Variants in PDZD2 observed in about 807,000 individuals in gnomAD.
PDZD2 encodes the protein PDZ domain-containing protein 2.
In PDZD2, 90 loss-of-function variants were observed where a neutral mutation model predicts 220.7. The ratio of observed to expected loss-of-function variants is 0.41; its 90% CI spans 0.34 to 0.49. The LOEUF (loss-of-function observed/expected upper bound fraction) is 0.49. Ranked by LOEUF, PDZD2 falls within the 20% of genes least tolerant of loss-of-function variation. The pLI is 0.28. For synonymous variants in PDZD2, 1,375 were observed against 1,450.5 expected (o/e 0.95, Z 1.18); for missense variants, 3,174 against 3,608.5 (o/e 0.88, Z 3.08).
At chr5:32,096,561 C>T (rs1322492070) in intron 21 of PDZD2, among the ~76,000 whole-genome samples, 2 of 152,130 alleles carry the variant, frequency 1.3e-5, no homozygotes, top group Admixed American at 6.6e-5. Context: ...TCAGGTGATC[C>T]GCCCGCCTTG....
intron 2 of PDZD2, among the ~76,000 whole-genome samples, chr5:31,941,299 G>A (rs954317165): frequency 2.6e-5 from 4 of 152,176 alleles, no homozygotes; most frequent in African/African-American, 9.7e-5. Flanking sequence ...GCAACACTTT[G>A]ACTTCAGTTC....
At chr5:31,799,854 A>G in intron 2 of PDZD2, 130 bp downstream of exon 2, 2 of 668,134 alleles carry the variant, frequency 3.0e-6, no homozygotes, top group Non-Finnish European at 2.7e-6. Context: ...TCTCATTTAA[A>G]CCCCCTCATC....
In PDZD2 at chr5:32,072,327, G is replaced by C. The variant is rs2112392922; in HGVS notation, c.2725+10G>C. ...CCTCCCAGCACCTCCAGTAAGCAGG[G>C]GTGCCCCAGAGGGCCTGGGCTCTGC... On this transcript the variant is annotated intron_variant, in intron 17 of 24. Coordinates refer to ENST00000438447, the MANE Select transcript of PDZD2 (RefSeq NM_178140.4). 6.2e-7 allele frequency: 1 copy of C among 1,606,526 alleles called. No homozygotes were observed. The highest frequency in any genetic ancestry group is 2.2e-5 in the East Asian group (1 of 44,846).
Position 32,083,244 on chromosome 5 carries a change from C to CT in PDZD2, c.3683-3882dup, listed in dbSNP as rs1561536642. The stretch of plus-strand genomic sequence containing the variant: ...GTGGTAGTCACCAGTACCTAACAAC[C>CT]TTTTTAAACCTCATACATCCACACG... On this transcript the variant is annotated intron_variant, in intron 19 of 24. Coordinates refer to ENST00000438447, the MANE Select transcript of PDZD2 (RefSeq NM_178140.4). The surrounding 1 kb of genome is among the most constrained non-coding windows in gnomAD (Gnocchi z 4.1). Among the ~76,000 whole-genome samples, 1 of 151,542 alleles carries CT rather than the reference C, an allele frequency of 6.6e-6. No individual in the cohort carries two copies. Among genetic ancestry groups the CT allele is most frequent in the South Asian group, 2.1e-4 (1 of 4,804 alleles).
intron 2 of PDZD2, among the ~76,000 whole-genome samples, chr5:31,864,228 A>G (rs1737985088): frequency 6.6e-6 from 1 of 152,166 alleles, no homozygotes; most frequent in South Asian, 2.1e-4. Flanking sequence ...CAGCTCCTGC[A>G]TAGTCTGATA....
chr5:31,669,101 C>A (rs935410823), intron 1 of PDZD2, among the ~76,000 whole-genome samples: 1 of 152,124 alleles, frequency 6.6e-6, no homozygotes. Context: ...GTGCACAGGA[C>A]GTCCTCTCTT....
intron 2 of PDZD2, among the ~76,000 whole-genome samples, chr5:31,938,336 T>C (rs1229184805): frequency 1.3e-5 from 2 of 152,246 alleles, no homozygotes; most frequent in African/African-American, 2.4e-5. Context: ...TTTAGTTTCT[T>C]AGTCTGTATT....
intron 1 of PDZD2, among the ~76,000 whole-genome samples, chr5:31,652,060 C>T (rs562419647): frequency 2.1e-4 from 31 of 148,890 alleles, no homozygotes; most frequent in African/African-American, 7.4e-4. Context: ...CTCGAACTCC[C>T]GACCTTGTGA....
chr5:32,053,734 C>G, intron 9 of PDZD2, 35 bp from the exon 10 acceptor site: 1 of 1,155,138 alleles, frequency 8.7e-7, no homozygotes, highest in East Asian at 2.3e-5. Flanking sequence ...AAATACCACA[C>G]TGTCAACCTG....
intron 2 of PDZD2, chr5:31,840,437 TATATA>T (rs1561499309): frequency 0.02 from 1,811 of 89,958 alleles, 131 homozygotes; most frequent in Non-Finnish European, 0.028. Context: ...TATATATATA[TATATA>T]TATATATTTG....
intron 1 of PDZD2, among the ~76,000 whole-genome samples, chr5:31,683,116 T>A (rs578130042): frequency 1.3e-5 from 2 of 150,962 alleles, no homozygotes; most frequent in East Asian, 3.9e-4. Context: ...GGCAGCTCTG[T>A]GGCTCCCCTG....
chr5:31,822,744 A>C (rs1755961727), intron 2 of PDZD2: 1 of 1,187,704 alleles, frequency 8.4e-7, no homozygotes, highest in Non-Finnish European at 1.2e-6. Context: ...AACAAGGAAC[A>C]CCTGGCCTCA....
chr5:32,047,776 G>A (rs929669848), intron 7 of PDZD2, among the ~76,000 whole-genome samples: 8 of 152,180 alleles, frequency 5.3e-5, no homozygotes, highest in African/African-American at 1.4e-4. Flanking sequence ...TTTAGACAAC[G>A]GAATAGCCTA....
intron 2 of PDZD2, among the ~76,000 whole-genome samples, chr5:31,977,034 T>G (rs1749852549): frequency 6.6e-6 from 1 of 151,394 alleles, no homozygotes; most frequent in South Asian, 2.1e-4. Context: ...TTTTTTTTTT[T>G]TAAAGTAGAG....
chr5:32,037,725 C>G (rs545875315), intron 7 of PDZD2, among the ~76,000 whole-genome samples: 35 of 152,300 alleles, frequency 2.3e-4, no homozygotes, highest in Non-Finnish European at 3.5e-4. Context: ...CAAATAGACT[C>G]TATCTCCTGG....
At chr5:31,951,349 T>G (rs1747166354) in intron 2 of PDZD2, among the ~76,000 whole-genome samples, 2 of 152,226 alleles carry the variant, frequency 1.3e-5, no homozygotes, top group Non-Finnish European at 2.9e-5. Flanking sequence ...TCTACAGGGT[T>G]GAGCCACTGC....
chr5:31,698,367 G>A (rs1268117136), intron 1 of PDZD2, among the ~76,000 whole-genome samples: 75 of 149,908 alleles, frequency 5.0e-4, no homozygotes, highest in African/African-American at 1.7e-3. Flanking sequence ...AGGCCGAGGT[G>A]GGCGGATCAC....
chr5:32,048,729 C>T, intron 8 of PDZD2, 45 bp downstream of exon 8: 1 of 1,599,260 alleles, frequency 6.3e-7, no homozygotes, highest in Non-Finnish European at 8.6e-7. Flanking sequence ...TAAGGGCTTA[C>T]ATGTTAAGAA....
chr5:31,698,439 A>G (rs1362542589), intron 1 of PDZD2, among the ~76,000 whole-genome samples: 1 of 112,512 alleles, frequency 8.9e-6, no homozygotes, highest in Non-Finnish European at 1.8e-5. Context: ...ACTAAAAAAT[A>G]CAAAAAAAAA....
Sources: gnomAD v4.1 joint callset for allele counts (sites outside exome capture counted in the v4.1 genomes callset) on GRCh38, gnomAD v4.1.1 for gene constraint, Gnocchi (gnomAD v3.1) non-coding constraint, MANE v1.5 for transcripts, NCBI Gene and HGNC (gene_info 2026-07-23, HGNC 2026-07-21) for gene names.